The following NAV3 variants were observed in gnomAD, a reference collection of about 807,000 sequenced individuals.
NAV3 encodes neuron navigator 3, also known as pore membrane and/or filament interacting like protein 1.
In NAV3, 87 loss-of-function variants were observed where a neutral mutation model predicts 244.7. That is an observed-to-expected ratio of 0.36 (90% CI 0.30 to 0.42). The LOEUF (loss-of-function observed/expected upper bound fraction) is 0.42. Among genes scored for constraint, NAV3 ranks in the 20% least tolerant of loss-of-function variants. The pLI is 1.00. For missense variants in NAV3, 2,663 were observed against 2,893.3 expected (o/e 0.92, Z 1.83); for synonymous variants, 1,126 against 1,042.2 (o/e 1.08, Z -1.55).
chr12:77,967,780 T>G (rs1892644920), intron 4 of NAV3, among the ~76,000 whole-genome samples: 1 of 152,112 alleles, frequency 6.6e-6, no homozygotes, highest in South Asian at 2.1e-4. Context: ...ACACAGCAAC[T>G]TCATCTGTTA....
intron 39 of NAV3, among the ~76,000 whole-genome samples, chr12:78,207,427 A>G (rs534572766): frequency 3.4e-4 from 52 of 152,328 alleles, no homozygotes; most frequent in Admixed American, 5.9e-4. Flanking sequence ...ATCATTTCTG[A>G]TCTCAAGAAG....
At chr12:78,183,691 G>A (rs1958593574) in intron 30 of NAV3, among the ~76,000 whole-genome samples, 1 of 151,920 alleles carries the variant, frequency 6.6e-6, no homozygotes, top group Non-Finnish European at 1.5e-5. Flanking sequence ...TATTGTAAGT[G>A]TAGTTTTTAG....
At position 78,116,838 on chromosome 12, in the gene NAV3, C is replaced by T. The variant is rs1955405150; in HGVS notation, c.2703C>T (p.Asp901=). ...CCCTTGATAACATCAGCACTGATGACCTGAACACCACATCCTCTGTCAGCT... is the reference window on the plus strand; with the variant it reads ...CCCTTGATAACATCAGCACTGATGATCTGAACACCACATCCTCTGTCAGCT... The part of the protein sequence containing the change: ...SDTLDNISTD[D]LNTTSSVSSY... The change falls in exon 13 of 40, where the codon GAC becomes GAT. Residue 901 remains aspartate, a synonymous_variant. Transcript: ENST00000397909. 2 of 1,613,414 alleles carry T rather than the reference C, an allele frequency of 1.2e-6. No individual in the cohort carries two copies. Among genetic ancestry groups the T allele is most frequent in the Admixed American group, 1.7e-5 (1 of 59,962 alleles).
intron 18 of NAV3, among the ~76,000 whole-genome samples, chr12:78,133,178 A>T (rs1169643471): frequency 1.3e-5 from 2 of 152,098 alleles, no homozygotes; most frequent in African/African-American, 4.8e-5. Flanking sequence ...AATCTCATGT[A>T]CCTCTCCAGA....
intron 2 of NAV3, among the ~76,000 whole-genome samples, chr12:77,758,209 C>G (rs1007607568): frequency 6.6e-6 from 1 of 152,160 alleles, no homozygotes; most frequent in African/African-American, 2.4e-5. Context: ...CACTCTCTAT[C>G]CTTTTACCTG....
At chr12:78,133,173 C>G (rs559265538) in intron 18 of NAV3, among the ~76,000 whole-genome samples, 1 of 152,202 alleles carries the variant, frequency 6.6e-6, no homozygotes, top group Non-Finnish European at 1.5e-5. Flanking sequence ...AACATAATCT[C>G]ATGTACCTCT....
chr12:77,699,590 C>G (rs1448197346), intron 2 of NAV3, among the ~76,000 whole-genome samples: 3 of 151,988 alleles, frequency 2.0e-5, no homozygotes, highest in African/African-American at 7.2e-5. Context: ...TTCGAGCTTC[C>G]TTGTTTCTAA....
At chr12:77,964,670 A>G (rs1892357165) in intron 3 of NAV3, among the ~76,000 whole-genome samples, 1 of 152,168 alleles carries the variant, frequency 6.6e-6, no homozygotes, top group Admixed American at 6.5e-5. Context: ...CTGTCGCCTC[A>G]TTGGATATTC....
intron 2 of NAV3, among the ~76,000 whole-genome samples, chr12:77,761,730 C>T (rs1240213449): frequency 6.6e-6 from 1 of 152,158 alleles, no homozygotes; most frequent in Non-Finnish European, 1.5e-5. Context: ...CAAGGAGATA[C>T]CATCTCATGC....
intron 19 of NAV3, among the ~76,000 whole-genome samples, chr12:78,139,494 CTAA>C (rs1452308103): frequency 1.3e-5 from 2 of 152,116 alleles, no homozygotes; most frequent in Non-Finnish European, 2.9e-5. Context: ...TCATACTCAA[CTAA>C]TGTTTGTTTA....
intron 2 of NAV3, among the ~76,000 whole-genome samples, chr12:77,794,535 A>C (rs531722518): frequency 6.6e-6 from 1 of 152,326 alleles, no homozygotes; most frequent in Admixed American, 6.5e-5. Flanking sequence ...TTTTCAAAGC[A>C]CAATGCGGCA....
At chr12:78,120,439 T>A (rs990754691) in intron 15 of NAV3, among the ~76,000 whole-genome samples, 7 of 152,180 alleles carry the variant, frequency 4.6e-5, no homozygotes, top group Non-Finnish European at 8.8e-5. Context: ...ATTGGACAGA[T>A]TTATACAGTG....
At chr12:77,935,823 C>T (rs530888706) in intron 1 of NAV3, among the ~76,000 whole-genome samples, 10 of 152,284 alleles carry the variant, frequency 6.6e-5, no homozygotes, top group Admixed American at 2.6e-4. Flanking sequence ...GATCATCTTA[C>T]GTGGTGGGAG....
intron 22 of NAV3, among the ~76,000 whole-genome samples, chr12:78,153,381 T>G (rs1213650918): frequency 1.3e-5 from 2 of 152,064 alleles, no homozygotes; most frequent in African/African-American, 4.8e-5. Flanking sequence ...TTAAGCTGAT[T>G]CTACTAGCAT....
Position 78,198,657 on chromosome 12 carries a change from G to A in NAV3, c.6499G>A (p.Glu2167Lys). 2 of 1,485,420 alleles carry A rather than the reference G, an allele frequency of 1.3e-6. No individual in the cohort carries two copies. Among genetic ancestry groups the A allele is most frequent in the African/African-American group, 2.9e-5 (2 of 69,444 alleles). The allele number at this position is 1,485,420 out of a possible 1,614,324, so 92.0% of individuals were successfully genotyped here. A position where few individuals can be genotyped will look rare whatever the true frequency, so the allele number is the denominator to read the frequency against. ...GGGAGTTTCTTCATCACCAAATCTA[G>A]AGCTGCATCACAATTTCAGGTAAAG... ...NQGVSSSPNL[E>K]LHHNFRWVLC... is the part of the protein sequence containing the mutation. The change falls in exon 36 of 40, where the codon GAG (glutamate) becomes AAG (lysine). Residue 2167 changes from glutamate to lysine, a missense_variant. Glu to Lys is a moderately conservative substitution (Grantham distance 56). This residue lies in a region of NAV3 where 543 missense variants were observed against 672.4 expected (regional missense o/e 0.81). Transcript: ENST00000397909.
chr12:77,963,986 T>TCCTCCTC (rs371789389), intron 3 of NAV3, among the ~76,000 whole-genome samples: 1 of 122,510 alleles, frequency 8.2e-6, no homozygotes. Context: ...TCCTCCTCCC[T>TCCTCCTC]CCTCCTCCCT....
intron 2 of NAV3, among the ~76,000 whole-genome samples, chr12:77,604,987 G>A (rs1870606567): frequency 6.6e-6 from 1 of 152,030 alleles, no homozygotes; most frequent in Non-Finnish European, 1.5e-5. Flanking sequence ...CTTACTGAGA[G>A]TCTAGTATTT....
chr12:77,694,966 G>T (rs1592591128), intron 2 of NAV3, among the ~76,000 whole-genome samples: 3 of 152,262 alleles, frequency 2.0e-5, no homozygotes, highest in Admixed American at 2.0e-4. Flanking sequence ...TTACACCACT[G>T]GGTGGAGGAT....
intron 7 of NAV3, among the ~76,000 whole-genome samples, chr12:78,005,407 G>C (rs570682183): frequency 6.6e-6 from 1 of 152,088 alleles, no homozygotes; most frequent in East Asian, 1.9e-4. Flanking sequence ...AACTGAAAAG[G>C]CCAACAGTTT....
Sources: allele counts gnomAD v4.1 joint callset (sites outside exome capture counted in the v4.1 genomes callset), GRCh38; gene constraint gnomAD v4.1.1; regional missense constraint gnomAD v4.1.1; transcripts MANE v1.5; gene names NCBI Gene and HGNC (gene_info 2026-07-23, HGNC 2026-07-21).